The following PCDH11X variants were observed in gnomAD, a reference collection of about 807,000 sequenced individuals.
The protein encoded by PCDH11X is protocadherin-11 X-linked.
PCDH11X carries 18 observed loss-of-function variants against 53.3 expected under a neutral mutation model. The observed-to-expected ratio is 0.34, with a 90% confidence interval of 0.23 to 0.50. The LOEUF (loss-of-function observed/expected upper bound fraction) is 0.50. Among genes scored for constraint, PCDH11X ranks in the 20% least tolerant of loss-of-function variants. PCDH11X has a pLI of 0.98. For missense variants in PCDH11X, 570 were observed against 1,032.4 expected, an observed-to-expected ratio of 0.55 and a Z score of 6.14; for synonymous variants, 279 against 393.3, an observed-to-expected ratio of 0.71 and a Z score of 3.44.
At chrX:92,573,932 T>C (rs1189767003) in intron 10 of PCDH11X, among the ~76,000 whole-genome samples, 2 of 111,076 alleles carry the variant, frequency 1.8e-5, no homozygotes, top group Non-Finnish European at 3.8e-5. Context: ...TTTTTAATGC[T>C]GTTAGGTATG....
At chrX:92,487,667 G>A (rs2073674349) in intron 10 of PCDH11X, among the ~76,000 whole-genome samples, 1 of 110,813 alleles carries the variant, frequency 9.0e-6, no homozygotes, top group Non-Finnish European at 1.9e-5. Context: ...ATCTGATTCC[G>A]GGAAATATTT....
intron 10 of PCDH11X, among the ~76,000 whole-genome samples, chrX:92,587,343 G>C (rs182079458): frequency 9.0e-6 from 1 of 111,216 alleles, no homozygotes; most frequent in Non-Finnish European, 1.9e-5. Context: ...AATTGATAGC[G>C]ATTAGAAAAT....
intron 6 of PCDH11X, among the ~76,000 whole-genome samples, chrX:92,102,993 C>A (rs188858470): frequency 4.5e-5 from 5 of 110,707 alleles, no homozygotes; most frequent in African/African-American, 6.6e-5. Flanking sequence ...GGGATATTGC[C>A]GTTGAGCGGG....
intron 6 of PCDH11X, among the ~76,000 whole-genome samples, chrX:92,060,835 G>A (rs148735496): frequency 0.015 from 1,628 of 111,477 alleles, 20 homozygotes; most frequent in African/African-American, 0.049. Flanking sequence ...ATTCGTTTGC[G>A]TATATACCCA....
chrX:92,300,263 A>G (rs1250494897), intron 8 of PCDH11X, among the ~76,000 whole-genome samples: 1 of 111,438 alleles, frequency 9.0e-6, no homozygotes, highest in Admixed American at 9.6e-5. Flanking sequence ...GTATAAATAT[A>G]TACACCTACT....
At chrX:92,353,174 C>T (rs970141039) in intron 8 of PCDH11X, among the ~76,000 whole-genome samples, 10 of 111,682 alleles carry the variant, frequency 9.0e-5, no homozygotes, top group African/African-American at 3.3e-4. Context: ...ACTCATTATT[C>T]TCATTTGTCA....
chrX:92,011,150 T>A (rs1301892042), intron 6 of PCDH11X, among the ~76,000 whole-genome samples: 1 of 112,180 alleles, frequency 8.9e-6, no homozygotes, highest in Non-Finnish European at 1.9e-5. Flanking sequence ...GTTGATTCCA[T>A]GTTTTTGCTA....
At chrX:92,010,810 C>T (rs1368359182) in intron 6 of PCDH11X, among the ~76,000 whole-genome samples, 1 of 109,592 alleles carries the variant, frequency 9.1e-6, no homozygotes, top group African/African-American at 3.3e-5. Context: ...GTTTGGTGTA[C>T]AAATGATCCC....
At chrX:92,447,566 G>A (rs2072682745) in intron 9 of PCDH11X, among the ~76,000 whole-genome samples, 1 of 112,039 alleles carries the variant, frequency 8.9e-6, no homozygotes, top group Non-Finnish European at 1.9e-5. Context: ...CTCTGCCTAG[G>A]TTTCAGGGGA....
At chrX:92,042,772 G>A (rs2063229322) in intron 6 of PCDH11X, among the ~76,000 whole-genome samples, 1 of 104,778 alleles carries the variant, frequency 9.5e-6, no homozygotes, top group African/African-American at 3.5e-5. Context: ...GAGTAGCTGG[G>A]ATTGCAGGCT....
chrX:92,579,951 T>C, intron 10 of PCDH11X, among the ~76,000 whole-genome samples: 1 of 109,983 alleles, frequency 9.1e-6, no homozygotes, highest in Non-Finnish European at 1.9e-5. Flanking sequence ...ATGTTGCTGC[T>C]TTCTGTTTGC....
intron 7 of PCDH11X, among the ~76,000 whole-genome samples, chrX:92,245,562 G>T (rs1430086967): frequency 8.9e-6 from 1 of 112,094 alleles, no homozygotes; most frequent in Non-Finnish European, 1.9e-5. Flanking sequence ...GTCTATTCTG[G>T]CAATCTCTGT....
intron 5 of PCDH11X, among the ~76,000 whole-genome samples, chrX:91,842,788 T>G (rs1295377774): frequency 1.0e-5 from 1 of 98,240 alleles, no homozygotes; most frequent in Non-Finnish European, 2.0e-5. Context: ...TGAATTTTGT[T>G]TCATTAAGCA....
At chrX:92,413,742 A>G (rs1419238378) in intron 9 of PCDH11X, among the ~76,000 whole-genome samples, 1 of 109,505 alleles carries the variant, frequency 9.1e-6, no homozygotes, top group Non-Finnish European at 1.9e-5. Context: ...CGGAAGAATA[A>G]GACATGGATT....
chrX:92,158,697 G>A (rs2065583558), intron 6 of PCDH11X, among the ~76,000 whole-genome samples: 2 of 110,140 alleles, frequency 1.8e-5, no homozygotes, highest in Non-Finnish European at 1.9e-5. Context: ...GTTCAGTGGC[G>A]GGATCTCGGC....
intron 10 of PCDH11X, among the ~76,000 whole-genome samples, chrX:92,599,753 C>T (rs1281194928): frequency 4.5e-5 from 5 of 111,399 alleles, no homozygotes; most frequent in Non-Finnish European, 7.5e-5. Flanking sequence ...GAGATTGGAA[C>T]AGTTTGTAGG....
chrX:91,870,778 A>G (rs80113829), intron 5 of PCDH11X, among the ~76,000 whole-genome samples: 16,674 of 103,521 alleles, frequency 0.16, 1,540 homozygotes, highest in East Asian at 0.25. Context: ...TTACCCAAAG[A>G]GAGATGGTGT....
Position 92,118,225 on chromosome X carries a change from T to C in PCDH11X, c.3034-83150T>C, listed in dbSNP as rs185649755. 1.1e-3 allele frequency among the ~76,000 whole-genome samples: 123 copies of C among 110,811 alleles called. 1 individual carries two copies. The highest frequency in any genetic ancestry group is 3.9e-3 in the African/African-American group (119 of 30,492). On this transcript the variant is annotated intron_variant, in intron 6 of 10. Coordinates refer to ENST00000682573, the MANE Select transcript of PCDH11X (RefSeq NM_032968.5). Reference sequence around the variant, plus strand: ...GAAGCCATATGCCCTTCAGAAACACTGCAGTTTTGGTTTTCCCTTCATAAT... The same window carrying C: ...GAAGCCATATGCCCTTCAGAAACACCGCAGTTTTGGTTTTCCCTTCATAAT...
chrX:92,368,340 C>T (rs1469267347), intron 8 of PCDH11X, among the ~76,000 whole-genome samples: 5 of 111,521 alleles, frequency 4.5e-5, no homozygotes, highest in Admixed American at 9.5e-5. Flanking sequence ...TTTTTCAGCT[C>T]CATAACGTCA....
Sources: allele counts gnomAD v4.1 joint callset (sites outside exome capture counted in the v4.1 genomes callset), GRCh38; gene constraint gnomAD v4.1.1; transcripts MANE v1.5; gene names NCBI Gene and HGNC (gene_info 2026-07-23, HGNC 2026-07-21).